Variants in GRID1 observed in about 807,000 individuals in gnomAD.
The protein encoded by GRID1 is glutamate ionotropic receptor delta type subunit 1, also known as glutamate receptor ionotropic, delta-1.
Under a neutral mutation model 98.0 loss-of-function variants are expected in GRID1, and 28 were observed. The observed-to-expected ratio is 0.29, with a 90% CI of 0.21 to 0.39. The LOEUF (loss-of-function observed/expected upper bound fraction) is 0.39. GRID1 is among the 10% of genes least tolerant of loss of function. The pLI, the probability that GRID1 is intolerant of heterozygous loss-of-function variation, is 1.00. For synonymous variants in GRID1, 553 were observed against 538.5 expected (o/e 1.03, Z -0.37); for missense variants, 1,111 against 1,340.5 (o/e 0.83, Z 2.67).
chr10:86,235,508 T>C (rs192483673), intron 2 of GRID1, among the ~76,000 whole-genome samples: 2 of 152,232 alleles, frequency 1.3e-5, no homozygotes, highest in African/African-American at 2.4e-5. Flanking sequence ...AATATTTCCA[T>C]ACACCCCAAA....
At position 85,728,061 on chromosome 10, in the gene GRID1, A is replaced by G; in HGVS notation, c.1336-9T>C. On this transcript the variant is annotated splice_polypyrimidine_tract_variant and intron_variant, in intron 9 of 15. Coordinates refer to ENST00000327946, the MANE Select transcript of GRID1 (RefSeq NM_017551.3). ...ATCACGAAAGGCTCTTCCTGAGGAC[A>G]ACAGAATGAAGGTTCTCCAATTAAA... 6.3e-7 allele frequency: 1 copy of G among 1,587,614 alleles called. No individual in the cohort carries two copies. The highest frequency in any genetic ancestry group is 1.1e-5 in the South Asian group (1 of 90,580).
intron 4 of GRID1, among the ~76,000 whole-genome samples, chr10:85,989,934 G>A (rs1422356735): frequency 6.6e-6 from 1 of 152,158 alleles, no homozygotes; most frequent in Non-Finnish European, 1.5e-5. Flanking sequence ...ATAAAAAGAA[G>A]CCCCAGGTTG....
At chr10:86,106,852 G>C (rs1345243326) in intron 4 of GRID1, among the ~76,000 whole-genome samples, 1 of 152,134 alleles carries the variant, frequency 6.6e-6, no homozygotes, top group African/African-American at 2.4e-5. Flanking sequence ...GCTAAGATGG[G>C]ATAGAGAATG....
intron 4 of GRID1, among the ~76,000 whole-genome samples, chr10:85,995,796 T>C (rs1842732861): frequency 6.6e-6 from 1 of 152,044 alleles, no homozygotes; most frequent in African/African-American, 2.4e-5. Flanking sequence ...AAAGAGTCCC[T>C]CAGAATAGGA....
chr10:86,159,458 T>C (rs1320509497), intron 3 of GRID1, among the ~76,000 whole-genome samples: 2 of 152,234 alleles, frequency 1.3e-5, no homozygotes, highest in African/African-American at 4.8e-5. Context: ...CAGTATTCAG[T>C]ACAGTAACAT....
chr10:85,631,985 GCACACACACA>G (rs10634848), intron 13 of GRID1, among the ~76,000 whole-genome samples: 111 of 147,842 alleles, frequency 7.5e-4, no homozygotes, highest in African/African-American at 2.5e-3. Context: ...AAACACATAT[GCACACACACA>G]CACACACACA....
intron 4 of GRID1, among the ~76,000 whole-genome samples, chr10:85,919,729 A>G (rs1841675234): frequency 6.6e-6 from 1 of 152,224 alleles, no homozygotes; most frequent in Non-Finnish European, 1.5e-5. Flanking sequence ...AGAGAGTTCC[A>G]GCAGGCAGGC....
At chr10:85,811,284 T>C (rs1474710958) in intron 8 of GRID1, among the ~76,000 whole-genome samples, 1 of 152,174 alleles carries the variant, frequency 6.6e-6, no homozygotes. Context: ...GAGGCTACTA[T>C]TCCCTCAGGT....
At chr10:86,350,090 G>C (rs1848441497) in intron 2 of GRID1, among the ~76,000 whole-genome samples, 1 of 152,242 alleles carries the variant, frequency 6.6e-6, no homozygotes, top group Non-Finnish European at 1.5e-5. Flanking sequence ...AGTAGGAACA[G>C]CATGTGCAAA....
At chr10:85,910,876 G>A (rs1013079509) in intron 5 of GRID1, among the ~76,000 whole-genome samples, 7 of 152,184 alleles carry the variant, frequency 4.6e-5, no homozygotes, top group African/African-American at 1.2e-4. Context: ...TTTTGGCAGA[G>A]GCAATGTTAA....
intron 5 of GRID1, among the ~76,000 whole-genome samples, chr10:85,913,091 G>A (rs1036657511): frequency 1.3e-5 from 2 of 152,136 alleles, no homozygotes; most frequent in Non-Finnish European, 2.9e-5. Flanking sequence ...GGGTGCCTGG[G>A]TGAAAGCTTT....
At chr10:85,716,184 G>T (rs1443475757) in intron 12 of GRID1, among the ~76,000 whole-genome samples, 1 of 152,146 alleles carries the variant, frequency 6.6e-6, no homozygotes, top group African/African-American at 2.4e-5. Context: ...TCGATTACAG[G>T]CGTGAGACAC....
intron 2 of GRID1, among the ~76,000 whole-genome samples, chr10:86,331,548 T>C (rs1269734512): frequency 6.6e-6 from 1 of 152,134 alleles, no homozygotes; most frequent in Non-Finnish European, 1.5e-5. Context: ...TGCCAGACAT[T>C]CCACCAGTGC....
rs569191526 is a variant in GRID1 at position 85,972,232 on chromosome 10, CTT to C, written c.727-55995_727-55994del. ...GAATACAACTCACATTCCTAAGTCTCTTTTTCCCCCGGTACAGCTAGGACTCA... is the reference window on the plus strand; with the variant it reads ...GAATACAACTCACATTCCTAAGTCTCTTTCCCCCGGTACAGCTAGGACTCA... On this transcript the variant is annotated intron_variant, in intron 4 of 15. Coordinates refer to ENST00000327946, the MANE Select transcript of GRID1 (RefSeq NM_017551.3). 2.2e-3 allele frequency among the ~76,000 whole-genome samples: 336 copies of C among 151,312 alleles called. 2 individuals are homozygous for C. The highest frequency in any genetic ancestry group is 7.8e-3 in the African/African-American group (321 of 41,270).
At chr10:85,971,423 T>C (rs771634492) in intron 4 of GRID1, among the ~76,000 whole-genome samples, 2 of 152,086 alleles carry the variant, frequency 1.3e-5, no homozygotes, top group Non-Finnish European at 2.9e-5. Context: ...AAGGTATTCA[T>C]AATACATATG....
Position 86,360,933 on chromosome 10 carries a change from G to A in GRID1, c.235+3008C>T, listed in dbSNP as rs112592437. Among the ~76,000 whole-genome samples, 1,084 of 152,318 alleles carry A rather than the reference G, an allele frequency of 7.1e-3. 17 individuals are homozygous for A. The highest frequency in any genetic ancestry group is 0.025 in the African/African-American group (1,022 of 41,564). On this transcript the variant is annotated intron_variant, in intron 2 of 15. Coordinates refer to ENST00000327946, the MANE Select transcript of GRID1 (RefSeq NM_017551.3). ...CAGCGACAGCACCACTCCACTGAGA[G>A]GTCACTGTGGGCTTGTCCAGTCAAT...
chr10:85,604,549 T>C (rs568132794), intron 15 of GRID1, among the ~76,000 whole-genome samples: 66 of 152,272 alleles, frequency 4.3e-4, no homozygotes, highest in African/African-American at 1.4e-3. Context: ...CACCTCTGCA[T>C]GGCAAGTGTC....
intron 4 of GRID1, among the ~76,000 whole-genome samples, chr10:85,973,484 CT>C (rs1242786679): frequency 2.3e-4 from 35 of 152,108 alleles, no homozygotes; most frequent in African/African-American, 7.7e-4. Context: ...GTATAAGGAA[CT>C]CTTTCAGATT....
Position 86,282,061 on chromosome 10 carries a change from G to A in GRID1, c.236-75413C>T, listed in dbSNP as rs553252519. On this transcript the variant is annotated intron_variant, in intron 2 of 15. Coordinates refer to ENST00000327946, the MANE Select transcript of GRID1 (RefSeq NM_017551.3). ...TTGCATCCCCATCCCACAGAGTGGCGCCTTGGACAAGTGATTCCACCACTT... is the reference window on the plus strand; with the variant it reads ...TTGCATCCCCATCCCACAGAGTGGCACCTTGGACAAGTGATTCCACCACTT... 9.2e-5 allele frequency among the ~76,000 whole-genome samples: 14 copies of A among 152,316 alleles called. No homozygotes were observed. The South Asian group carries it at 1.4e-3, about 16-fold the overall frequency.
Sources: allele counts gnomAD v4.1 joint callset (sites outside exome capture counted in the v4.1 genomes callset), GRCh38; gene constraint gnomAD v4.1.1; transcripts MANE v1.5; gene names NCBI Gene and HGNC (gene_info 2026-07-23, HGNC 2026-07-21).